PDE1A: variants seen among roughly 807,000 people sequenced by gnomAD.
The protein encoded by PDE1A is dual specificity calcium/calmodulin-dependent 3',5'-cyclic nucleotide phosphodiesterase 1A.
PDE1A carries 35 observed loss-of-function variants against 61.7 expected under a neutral mutation model. That is an observed-to-expected ratio of 0.57 (90% CI 0.43 to 0.75). The LOEUF is 0.75. PDE1A is among the 30% of genes least tolerant of loss of function. The pLI is 0.00. For synonymous variants in PDE1A, 232 were observed against 213.2 expected, an observed-to-expected ratio of 1.09 and a Z score of -0.77; for missense variants, 597 against 630.6, an observed-to-expected ratio of 0.95 and a Z score of 0.57.
the PDE1A span, among the ~76,000 whole-genome samples, chr2:182,563,185 G>A: frequency 6.6e-6 from 1 of 151,814 alleles, no homozygotes; most frequent in African/African-American, 2.4e-5. Context: ...TTTCTCTTGT[G>A]GGCATTTAGT....
chr2:182,287,518 C>A (rs966997631), intron 1 of PDE1A, among the ~76,000 whole-genome samples: 1 of 152,098 alleles, frequency 6.6e-6, no homozygotes, highest in Non-Finnish European at 1.5e-5. Flanking sequence ...AGAATACTAG[C>A]CCTGTTTGGC....
chr2:182,383,805 CA>C (rs1303603226), intron 1 of PDE1A, among the ~76,000 whole-genome samples: 1 of 152,196 alleles, frequency 6.6e-6, no homozygotes, highest in Non-Finnish European at 1.5e-5. Flanking sequence ...CATTCTTCCC[CA>C]ACCCCAGGTA....
intron 2 of PDE1A, among the ~76,000 whole-genome samples, chr2:182,250,039 T>A (rs535910579): frequency 8.3e-4 from 126 of 152,326 alleles, no homozygotes; most frequent in Non-Finnish European, 1.5e-3. Flanking sequence ...TTTGGTCATG[T>A]ATGTCTGGTT....
intron 1 of PDE1A, among the ~76,000 whole-genome samples, chr2:182,410,963 AATAGAATCTG>A (rs926422805): frequency 1.3e-5 from 2 of 152,186 alleles, no homozygotes; most frequent in African/African-American, 4.8e-5. Context: ...TCTTCTCCCA[AATAGAATCTG>A]CTACAGTTTT....
rs191555588 is a variant in PDE1A at position 182,477,717 on chromosome 2, A to G, written c.101+44559T>C. Among the ~76,000 whole-genome samples the G allele has an allele frequency of 2.0e-5, 3 of 152,098 alleles. No homozygotes were observed. The East Asian group carries it at 5.8e-4, about 30-fold the overall frequency. On this transcript the variant is annotated intron_variant, in intron 2 of 14. Coordinates refer to the PDE1A transcript ENST00000410103. ...AGAGAGCATTATCACAGTGATCTCC[A>G]TTTTGCGAATAAGAAAACTGAATCC...
chr2:182,197,171 A>G (rs544219942), intron 10 of PDE1A, among the ~76,000 whole-genome samples: 1 of 151,962 alleles, frequency 6.6e-6, no homozygotes, highest in African/African-American at 2.4e-5. Flanking sequence ...TTCTTTGATA[A>G]GTAAAGAAAA....
intron 2 of PDE1A, among the ~76,000 whole-genome samples, chr2:182,242,569 C>A (rs533448779): frequency 8.5e-5 from 13 of 152,226 alleles, no homozygotes; most frequent in African/African-American, 3.1e-4. Flanking sequence ...ATTTAAATGT[C>A]GCTGTGAAAG....
At chr2:182,498,536 A>G (rs967052848) in intron 2 of PDE1A, among the ~76,000 whole-genome samples, 4 of 151,992 alleles carry the variant, frequency 2.6e-5, no homozygotes, top group Non-Finnish European at 4.4e-5. Context: ...AAAAAATAAG[A>G]AAAAAAGTTA....
At chr2:182,699,403 A>G in the PDE1A span, among the ~76,000 whole-genome samples, 1 of 152,220 alleles carries the variant, frequency 6.6e-6, no homozygotes, top group Non-Finnish European at 1.5e-5. Context: ...CGGAAAATTG[A>G]TTTTATCAGC....
At chr2:182,530,433 G>C in the PDE1A span, among the ~76,000 whole-genome samples, 15 of 152,296 alleles carry the variant, frequency 9.8e-5, no homozygotes, top group South Asian at 1.0e-3. Flanking sequence ...AGGATGAATG[G>C]ATCTCAAATA....
chr2:182,329,578 A>G (rs1697270133), intron 1 of PDE1A, among the ~76,000 whole-genome samples: 1 of 152,018 alleles, frequency 6.6e-6, no homozygotes, highest in African/African-American at 2.4e-5. Flanking sequence ...TTTAGTAGAA[A>G]GGGGGTTTCA....
chr2:182,638,799 C>T, the PDE1A span, among the ~76,000 whole-genome samples: 6 of 152,140 alleles, frequency 3.9e-5, no homozygotes, highest in South Asian at 2.1e-4. Flanking sequence ...GCTAGGGGCT[C>T]GCACTGAGAT....
the PDE1A span, among the ~76,000 whole-genome samples, chr2:182,538,691 T>C: frequency 6.9e-3 from 1,052 of 152,306 alleles, 7 homozygotes; most frequent in South Asian, 0.019. Context: ...TAAATCTAAA[T>C]ATCTTTGGAA....
the PDE1A span, among the ~76,000 whole-genome samples, chr2:182,615,855 C>T: frequency 7.9e-5 from 12 of 152,252 alleles, no homozygotes; most frequent in South Asian, 2.1e-4. Context: ...CCCACTCCCA[C>T]GTTAATCAAC....
chr2:182,253,145 A>G (rs1005179301), intron 2 of PDE1A, among the ~76,000 whole-genome samples: 29 of 152,158 alleles, frequency 1.9e-4, no homozygotes, highest in Admixed American at 1.8e-3. Context: ...TTGCATTAGG[A>G]TTTATTGTTA....
intron 1 of PDE1A, among the ~76,000 whole-genome samples, chr2:182,385,350 A>G (rs1700967138): frequency 6.6e-6 from 1 of 152,312 alleles, no homozygotes; most frequent in African/African-American, 2.4e-5. Flanking sequence ...TAATAATAGC[A>G]ACAGTAATTT....
At position 182,314,790 on chromosome 2, in the gene PDE1A, C is replaced by T. The variant is rs2048611541; in HGVS notation, c.54-50376G>A. ...GAGTAGTAATTTGATGAATATATAT[C>T]AAAGCTTATCAAAATGTATACTTTT... On this transcript the variant is annotated intron_variant, in intron 1 of 13. Coordinates refer to ENST00000351439, the Ensembl canonical transcript of PDE1A. Among the ~76,000 whole-genome samples the T allele has an allele frequency of 2.6e-5, 3 of 117,198 alleles. No homozygotes were observed. The South Asian group carries it at 7.9e-4, about 31-fold the overall frequency. The allele number at this position is 117,198 out of a possible 152,430, so 76.9% of individuals were successfully genotyped here.
rs571554068 is a variant in PDE1A at position 182,395,768 on chromosome 2, A to G, written c.53+30810T>C. On this transcript the variant is annotated intron_variant, in intron 1 of 13. Transcript: ENST00000351439. ...TGTTTGGAGCCTTTGGAAGGCCCCCATAGGTGAATCACAGCAGAGGCCTCT... is the reference window on the plus strand; with the variant it reads ...TGTTTGGAGCCTTTGGAAGGCCCCCGTAGGTGAATCACAGCAGAGGCCTCT... Among the ~76,000 whole-genome samples the G allele has an allele frequency of 1.1e-4, 16 of 152,316 alleles. No individual in the cohort carries two copies. The East Asian group carries it at 2.9e-3, about 28-fold the overall frequency.
At chr2:182,463,545 G>T (rs1574720665) in intron 2 of PDE1A, 1 of 152,132 alleles carries the variant, frequency 6.6e-6, no homozygotes, top group Admixed American at 6.5e-5. Context: ...CTGCAATTTT[G>T]ATAGCCTCAA....
Sources: gnomAD v4.1 joint callset for allele counts (sites outside exome capture counted in the v4.1 genomes callset) on GRCh38, gnomAD v4.1.1 for gene constraint, MANE v1.5 for transcripts, NCBI Gene and HGNC (gene_info 2026-07-23, HGNC 2026-07-21) for gene names.